The following KCNIP4 variants were observed in gnomAD, a reference collection of about 807,000 sequenced individuals.
The protein encoded by KCNIP4 is potassium voltage-gated channel interacting protein 4.
KCNIP4 carries 12 observed loss-of-function variants against 34.0 expected under a neutral mutation model. The observed-to-expected ratio is 0.35, with a 90% confidence interval of 0.23 to 0.57. KCNIP4 has a LOEUF of 0.57. KCNIP4 is among the 20% of genes least tolerant of loss of function. The probability of loss-of-function intolerance (pLI) is 0.83; values close to 1 mark genes in which losing one functional copy is unlikely to be tolerated. For missense variants in KCNIP4, 238 were observed against 311.7 expected (o/e 0.76, Z 1.78); for synonymous variants, 124 against 102.2 (o/e 1.21, Z -1.29).
chr4:20,883,138 C>T (rs563461540), intron 1 of KCNIP4, among the ~76,000 whole-genome samples: 1 of 151,996 alleles, frequency 6.6e-6, no homozygotes, highest in Admixed American at 6.6e-5. Flanking sequence ...GCTATTGCTC[C>T]CCATCTTTGA....
At chr4:21,490,007 A>G (rs1253660278) in intron 1 of KCNIP4, among the ~76,000 whole-genome samples, 3 of 152,212 alleles carry the variant, frequency 2.0e-5, no homozygotes, top group Non-Finnish European at 4.4e-5. Flanking sequence ...ATAATGCTAC[A>G]GAAGAATTTT....
At chr4:21,856,551 C>T (rs1435194279) in intron 1 of KCNIP4, among the ~76,000 whole-genome samples, 1 of 152,164 alleles carries the variant, frequency 6.6e-6, no homozygotes, top group African/African-American at 2.4e-5. Flanking sequence ...GCCTTGCACT[C>T]CCCAGGTGCA....
intron 1 of KCNIP4, among the ~76,000 whole-genome samples, chr4:21,346,276 A>ATTAT (rs1304059798): frequency 3.3e-5 from 3 of 91,818 alleles, no homozygotes; most frequent in Admixed American, 1.9e-4. Context: ...TATAATATAT[A>ATTAT]ATATATATTC....
intron 1 of KCNIP4, among the ~76,000 whole-genome samples, chr4:21,714,352 T>C (rs1460834268): frequency 6.6e-6 from 1 of 152,078 alleles, no homozygotes; most frequent in Non-Finnish European, 1.5e-5. Flanking sequence ...CTTTGTTCTT[T>C]GAGAGAAGGC....
chr4:20,744,350 G>A (rs1455927739), intron 5 of KCNIP4, among the ~76,000 whole-genome samples: 2 of 152,122 alleles, frequency 1.3e-5, no homozygotes, highest in African/African-American at 4.8e-5. Context: ...CAAAGACTTG[G>A]TACCAACCCA....
chr4:20,870,310 C>T (rs555084605), intron 2 of KCNIP4, among the ~76,000 whole-genome samples: 8 of 152,038 alleles, frequency 5.3e-5, no homozygotes, highest in African/African-American at 1.7e-4. Context: ...TGTAGCACTG[C>T]CCCCTTCACT....
chr4:21,923,021 A>C (rs142346967), intron 1 of KCNIP4, among the ~76,000 whole-genome samples: 1 of 152,324 alleles, frequency 6.6e-6, no homozygotes, highest in African/African-American at 2.4e-5. Flanking sequence ...ATCATAATGC[A>C]CGGTGACAGA....
At chr4:21,097,003 A>C (rs1577683683) in intron 1 of KCNIP4, among the ~76,000 whole-genome samples, 1 of 152,316 alleles carries the variant, frequency 6.6e-6, no homozygotes, top group African/African-American at 2.4e-5. Context: ...ATTTAAAAAC[A>C]AAAAAATTTA....
chr4:21,832,160 G>A (rs1273957641), intron 1 of KCNIP4, among the ~76,000 whole-genome samples: 7 of 152,184 alleles, frequency 4.6e-5, no homozygotes, highest in Admixed American at 4.6e-4. Flanking sequence ...TTTCATAGAT[G>A]CAAAAATGAA....
chr4:20,972,488 T>C (rs1298670441), intron 1 of KCNIP4, among the ~76,000 whole-genome samples: 1 of 152,108 alleles, frequency 6.6e-6, no homozygotes, highest in Non-Finnish European at 1.5e-5. Context: ...AGCAGGTGCA[T>C]TGTCACTGAG....
intron 1 of KCNIP4, among the ~76,000 whole-genome samples, chr4:21,045,236 ATC>A (rs924454081): frequency 1.1e-4 from 16 of 152,322 alleles, no homozygotes; most frequent in African/African-American, 3.4e-4. Flanking sequence ...GCAAGCAGGC[ATC>A]TCTGTTTTCA....
intron 1 of KCNIP4, among the ~76,000 whole-genome samples, chr4:21,728,042 G>T (rs1315173247): frequency 6.6e-6 from 1 of 151,924 alleles, no homozygotes; most frequent in Non-Finnish European, 1.5e-5. Flanking sequence ...CTGTCTTCTG[G>T]ACTCCTGTCT....
At chr4:21,881,654 T>C (rs1726469418) in intron 1 of KCNIP4, among the ~76,000 whole-genome samples, 1 of 152,170 alleles carries the variant, frequency 6.6e-6, no homozygotes, top group African/African-American at 2.4e-5. Context: ...AGCAGTAGTA[T>C]ATCTGGGTTT....
intron 1 of KCNIP4, among the ~76,000 whole-genome samples, chr4:21,717,076 T>C (rs1428443328): frequency 3.3e-5 from 5 of 152,206 alleles, no homozygotes; most frequent in African/African-American, 9.6e-5. Flanking sequence ...ATTATTGTCA[T>C]AGTGTTTCTC....
intron 1 of KCNIP4, among the ~76,000 whole-genome samples, chr4:21,494,802 A>G (rs1321274649): frequency 6.6e-6 from 1 of 151,906 alleles, no homozygotes; most frequent in Non-Finnish European, 1.5e-5. Context: ...TTAGTAAAAT[A>G]TACAATAATT....
At chr4:21,594,349 A>G (rs114680221) in intron 1 of KCNIP4, among the ~76,000 whole-genome samples, 77 of 152,316 alleles carry the variant, frequency 5.1e-4, no homozygotes, top group African/African-American at 1.8e-3. Flanking sequence ...AAAAGCAACC[A>G]ACGACAAATA....
intron 1 of KCNIP4, among the ~76,000 whole-genome samples, chr4:21,417,684 A>C (rs540554123): frequency 6.6e-6 from 1 of 152,252 alleles, no homozygotes; most frequent in East Asian, 1.9e-4. Context: ...TGTTTTTAGC[A>C]TGAGATGTCA....
chr4:21,084,655 C>T (rs141234237), intron 1 of KCNIP4, among the ~76,000 whole-genome samples: 1 of 150,214 alleles, frequency 6.7e-6, no homozygotes, highest in Admixed American at 6.7e-5. Flanking sequence ...TTAACAGCAC[C>T]TTATTCATGC....
chr4:21,905,651 T>G (rs1293872002), intron 1 of KCNIP4, among the ~76,000 whole-genome samples: 2 of 152,118 alleles, frequency 1.3e-5, no homozygotes, highest in Non-Finnish European at 2.9e-5. Context: ...GGCTATCACT[T>G]CCTTCGGGCT....
Sources: gnomAD v4.1 joint callset for allele counts (sites outside exome capture counted in the v4.1 genomes callset) on GRCh38, gnomAD v4.1.1 for gene constraint, MANE v1.5 for transcripts, NCBI Gene and HGNC (gene_info 2026-07-23, HGNC 2026-07-21) for gene names.